Variants in LRRC4C observed in about 807,000 individuals in gnomAD.
The protein encoded by LRRC4C is leucine-rich repeat-containing protein 4C.
LRRC4C carries 5 observed loss-of-function variants against 33.6 expected under a neutral mutation model. The ratio of observed to expected loss-of-function variants is 0.15; its 90% CI spans 0.08 to 0.31. The LOEUF is 0.31. LRRC4C is among the 10% of genes least tolerant of loss of function. The probability of loss-of-function intolerance (pLI) is 1.00; values close to 1 mark genes in which losing one functional copy is unlikely to be tolerated. For missense variants in LRRC4C, 560 were observed against 796.7 expected (o/e 0.70, Z 3.58); for synonymous variants, 329 against 302.0 (o/e 1.09, Z -0.93).
intron 2 of LRRC4C, among the ~76,000 whole-genome samples, chr11:40,671,319 T>A (rs541355290): frequency 6.6e-6 from 1 of 152,328 alleles, no homozygotes; most frequent in South Asian, 2.1e-4. Flanking sequence ...TGTTTTAATT[T>A]GGAAATATTT....
chr11:40,450,697 T>A (rs1025313027), intron 3 of LRRC4C, among the ~76,000 whole-genome samples: 4 of 150,962 alleles, frequency 2.6e-5, no homozygotes, highest in Admixed American at 2.6e-4. Context: ...CATTCATTAA[T>A]ATATTTAAAG....
At chr11:40,574,015 G>A (rs1179609678) in intron 3 of LRRC4C, among the ~76,000 whole-genome samples, 1 of 152,130 alleles carries the variant, frequency 6.6e-6, no homozygotes, top group African/African-American at 2.4e-5. Context: ...TGTTAAAGTA[G>A]CTCAGTAATT....
intron 3 of LRRC4C, among the ~76,000 whole-genome samples, chr11:40,460,687 TC>T (rs1952351537): frequency 6.6e-6 from 1 of 152,150 alleles, no homozygotes; most frequent in African/African-American, 2.4e-5. Context: ...AAATAAAATA[TC>T]CAGACTTTTC....
In LRRC4C at chr11:41,218,760, G is replaced by A. The variant is rs191202569; in HGVS notation, c.-496+240671C>T. Among the ~76,000 whole-genome samples the A allele has an allele frequency of 3.4e-3, 487 of 142,814 alleles. 2 individuals carry two copies. The highest frequency in any genetic ancestry group is 0.012 in the African/African-American group (461 of 38,602). 93.7% of individuals were successfully genotyped at this position (142,814 alleles called of 152,430 possible). A position where few individuals can be genotyped will look rare whatever the true frequency, so the allele number is the denominator to read the frequency against. On this transcript the variant is annotated intron_variant, in intron 1 of 6. Coordinates refer to ENST00000528697, the MANE Select transcript of LRRC4C (RefSeq NM_001258419.2). ...TTAACTTTCATATGCATATGCATAT[G>A]TCATTTTTTTTTTTTTTTTTTTTTT...
chr11:41,297,640 T>A (rs995550883), intron 1 of LRRC4C, among the ~76,000 whole-genome samples: 4 of 152,166 alleles, frequency 2.6e-5, no homozygotes, highest in Non-Finnish European at 4.4e-5. Context: ...ACATTTCTAC[T>A]AACGATAAAT....
rs538383847 is a variant in LRRC4C at position 41,392,180 on chromosome 11, T to C, written c.-496+67251A>G. Among the ~76,000 whole-genome samples the C allele has an allele frequency of 1.7e-4, 26 of 152,016 alleles. No individual in the cohort carries two copies. The South Asian group carries it at 4.1e-3, about 24-fold the overall frequency. On this transcript the variant is annotated intron_variant, in intron 1 of 6. Coordinates refer to ENST00000528697, the MANE Select transcript of LRRC4C (RefSeq NM_001258419.2). ...TAAGGCACTTTCATCTATGACCCGA[T>C]TGATATTTCTTAGTAGAATGACTTG...
intron 3 of LRRC4C, among the ~76,000 whole-genome samples, chr11:40,392,336 T>C (rs547005018): frequency 6.6e-6 from 1 of 152,184 alleles, no homozygotes; most frequent in Non-Finnish European, 1.5e-5. Flanking sequence ...TGTATCAATA[T>C]TGGTTTGTCA....
intron 3 of LRRC4C, among the ~76,000 whole-genome samples, chr11:40,377,376 T>G (rs887602111): frequency 6.6e-6 from 1 of 152,182 alleles, no homozygotes; most frequent in South Asian, 2.1e-4. Context: ...ATTAGCACTT[T>G]CTGAGCTGTT....
intron 1 of LRRC4C, among the ~76,000 whole-genome samples, chr11:41,182,194 C>A (rs1196583966): frequency 3.9e-5 from 6 of 152,100 alleles, no homozygotes; most frequent in Non-Finnish European, 8.8e-5. Flanking sequence ...CTTATTGATA[C>A]CATTTATATG....
chr11:41,151,504 T>A (rs944492957), intron 1 of LRRC4C, among the ~76,000 whole-genome samples: 1 of 152,206 alleles, frequency 6.6e-6, no homozygotes, highest in Admixed American at 6.5e-5. Context: ...TGTGCTGCAG[T>A]GTGGACATGT....
At chr11:41,337,385 G>A (rs1007068240) in intron 1 of LRRC4C, among the ~76,000 whole-genome samples, 2 of 151,404 alleles carry the variant, frequency 1.3e-5, no homozygotes, top group African/African-American at 4.8e-5. Context: ...TAACTGATTA[G>A]CATCTAAATG....
At chr11:41,437,086 A>G (rs1028035075) in intron 1 of LRRC4C, among the ~76,000 whole-genome samples, 2 of 152,354 alleles carry the variant, frequency 1.3e-5, no homozygotes, top group East Asian at 1.9e-4. Context: ...TAAATGTAAC[A>G]TAACACCAAA....
At chr11:41,032,134 T>C (rs2137831306) in intron 1 of LRRC4C, among the ~76,000 whole-genome samples, 1 of 152,090 alleles carries the variant, frequency 6.6e-6, no homozygotes, top group South Asian at 2.1e-4. Context: ...AAGCTGCAGT[T>C]TGATGGACTT....
At chr11:40,694,148 A>T (rs912919817) in intron 2 of LRRC4C, among the ~76,000 whole-genome samples, 1 of 152,186 alleles carries the variant, frequency 6.6e-6, no homozygotes, top group Non-Finnish European at 1.5e-5. Flanking sequence ...AATGTAAAAT[A>T]AACCTCCTGC....
chr11:40,852,940 G>A (rs562457184), intron 2 of LRRC4C, among the ~76,000 whole-genome samples: 20 of 152,246 alleles, frequency 1.3e-4, no homozygotes, highest in African/African-American at 4.6e-4. Context: ...TAAAGGTGAT[G>A]GATTTTGAAT....
chr11:40,301,855 C>T (rs889569403), intron 4 of LRRC4C, among the ~76,000 whole-genome samples: 4 of 152,176 alleles, frequency 2.6e-5, no homozygotes, highest in African/African-American at 9.7e-5. Context: ...CTCTAATATA[C>T]ACACTTTTAA....
intron 5 of LRRC4C, among the ~76,000 whole-genome samples, chr11:40,164,636 T>C (rs1859435938): frequency 6.6e-6 from 1 of 152,162 alleles, no homozygotes; most frequent in Non-Finnish European, 1.5e-5. Context: ...CTTTCTAATA[T>C]GTAAGAGATA....
At chr11:40,594,932 T>C (rs1326474833) in intron 3 of LRRC4C, among the ~76,000 whole-genome samples, 1 of 152,170 alleles carries the variant, frequency 6.6e-6, no homozygotes, top group Non-Finnish European at 1.5e-5. Context: ...ACACGCCATA[T>C]GTACACAGAT....
chr11:40,665,345 T>TATATATAC (rs1943731735), intron 2 of LRRC4C, among the ~76,000 whole-genome samples: 1 of 18,118 alleles, frequency 5.5e-5, no homozygotes, highest in East Asian at 2.3e-3. Flanking sequence ...TATATATATA[T>TATATATAC]ATATATATAT....
Sources: allele counts gnomAD v4.1 joint callset (sites outside exome capture counted in the v4.1 genomes callset), GRCh38; gene constraint gnomAD v4.1.1; transcripts MANE v1.5; gene names NCBI Gene and HGNC (gene_info 2026-07-23, HGNC 2026-07-21).